Variants in RNASEL observed in about 807,000 individuals in gnomAD.
RNASEL encodes the protein 2-5A-dependent ribonuclease.
A neutral mutation model predicts 50.9 loss-of-function variants in RNASEL; 36 were observed. The ratio of observed to expected loss-of-function variants is 0.71; its 90% CI spans 0.54 to 0.93. RNASEL has a LOEUF of 0.93. RNASEL is among the 40% of genes least tolerant of loss of function. The pLI is 0.00. For synonymous variants in RNASEL, 335 were observed against 335.6 expected (o/e 1.00, Z 0.02); for missense variants, 860 against 894.5 (o/e 0.96, Z 0.49).
chr1:182,581,078 G>A, intron 5 of RNASEL, 147 bp downstream of exon 5: 3 of 1,157,514 alleles, frequency 2.6e-6, no homozygotes, highest in East Asian at 2.4e-5. Flanking sequence ...GAGCCTAGGG[G>A]GATAGGGATG....
rs771897556 is a variant in RNASEL, at chr1:182,585,877, C to T, written c.930G>A (p.Arg310=). The T allele has an allele frequency of 3.1e-6, 5 of 1,612,422 alleles. No homozygotes were observed. The East Asian group carries it at 1.1e-4, about 36-fold the overall frequency. ...CCTTCACAAGGGAATGGTCATAATTCCGCCTCGCTGTCATAACAAGATCCC... is the reference window on the plus strand; with the variant it reads ...CCTTCACAAGGGAATGGTCATAATTTCGCCTCGCTGTCATAACAAGATCCC... ...DCGDLVMTAR[R]NYDHSLVKVL... Residue 310 remains arginine, a synonymous_variant, in exon 2 of 7, where the codon CGG becomes CGA. Transcript: ENST00000367559.
intron 3 of RNASEL, 108 bp downstream of exon 3, chr1:182,583,973 C>T: frequency 1.2e-6 from 1 of 824,150 alleles, no homozygotes; most frequent in Non-Finnish European, 2.1e-6. Context: ...AACTCCCTTT[C>T]ATATATACAT....
At chr1:182,582,473 A>G (rs1305138082) in intron 3 of RNASEL, among the ~76,000 whole-genome samples, 1 of 152,214 alleles carries the variant, frequency 6.6e-6, no homozygotes, top group Non-Finnish European at 1.5e-5. Flanking sequence ...TAAAAGATAC[A>G]TATAAGTCAC....
At position 182,582,058 on chromosome 1, in the gene RNASEL, C is replaced by T. The variant is rs1661506297; in HGVS notation, c.1767G>A (p.Trp589Ter). 1 of 1,614,118 alleles carries T rather than the reference C, an allele frequency of 6.2e-7. No individual in the cohort carries two copies. Among genetic ancestry groups the T allele is most frequent in the East Asian group, 2.2e-5 (1 of 44,882 alleles). ...DLLGHPFFWT[W>*]ESRYRTLRNV... Reference sequence around the variant, plus strand: ...CTGCACAAAGTTTTACTTACCTCTCCCAAGTCCAAAAGAAGGGATGACCCA... The same window carrying T: ...CTGCACAAAGTTTTACTTACCTCTCTCAAGTCCAAAAGAAGGGATGACCCA... The change falls in exon 4 of 7, where the codon TGG (tryptophan) becomes TGA (stop). Residue 589 changes from tryptophan (W) to a stop codon, truncating the protein, a stop_gained. Coordinates refer to ENST00000367559, the MANE Select transcript of RNASEL (RefSeq NM_021133.4). LOFTEE classifies it high-confidence loss of function.
Position 182,582,096 on chromosome 1 carries a change from G to A in RNASEL, c.1729C>T (p.Leu577=), listed in dbSNP as rs1337912131. The A allele has an allele frequency of 6.2e-7, 1 of 1,614,114 alleles. No homozygotes were observed. Among genetic ancestry groups the A allele is most frequent in the Non-Finnish European group, 8.5e-7 (1 of 1,180,044 alleles). ...FHPGEHVRDC[L]SDLLGHPFFW... is the part of the protein sequence containing the mutation. ...AAGGGATGACCCAGCAGGTCACTCA[G>A]ACAGTCCCTCACATGTTCCCCAGGA... is the stretch of plus-strand genomic sequence containing the variant. Residue 577 remains leucine, a synonymous_variant, in exon 4 of 7, where the codon CTG becomes TTG. Coordinates refer to ENST00000367559, the MANE Select transcript of RNASEL (RefSeq NM_021133.4).
At chr1:182,583,023 T>C (rs2102368008) in intron 3 of RNASEL, among the ~76,000 whole-genome samples, 1 of 152,298 alleles carries the variant, frequency 6.6e-6, no homozygotes, top group East Asian at 1.9e-4. Context: ...TTGACCTCAC[T>C]CCTCCCAGGA....
Position 182,585,911 on chromosome 1 carries a change from G to T in RNASEL, c.896C>A (p.Thr299Lys), listed in dbSNP as rs754488965. The stretch of plus-strand genomic sequence containing the variant: ...TGTCATAACAAGATCCCCACAATCT[G>T]TACTGGCTCCACGTTTGCACAGCAA... ...AELLCKRGASTDCGDLVMTAR... is the reference protein window; with the variant it reads ...AELLCKRGASKDCGDLVMTAR... Residue 299 changes from threonine (T) to lysine (K), a missense_variant, in exon 2 of 7, where the codon ACA becomes AAA. Thr to Lys is a moderately conservative substitution (Grantham distance 78). Coordinates refer to ENST00000367559, the MANE Select transcript of RNASEL (RefSeq NM_021133.4). 1.2e-6 allele frequency: 2 copies of T among 1,613,892 alleles called. No homozygotes were observed. Among genetic ancestry groups the T allele is most frequent in the Non-Finnish European group, 1.7e-6 (2 of 1,179,912 alleles).
chr1:182,585,996 T>A lies in RNASEL; in HGVS notation c.811A>T (p.Ser271Cys). The A allele has an allele frequency of 1.2e-6, 2 of 1,614,136 alleles. No individual in the cohort carries two copies. Among genetic ancestry groups the A allele is most frequent in the South Asian group, 1.1e-5 (1 of 91,084 alleles). ...QEHIEINDTD[S>C]DGKTALLLAV... ...AGCAGCAGTGCTGTTTTGCCATCACTGTCTGTGTCATTAATCTCTATGTGC... is the reference window on the plus strand; with the variant it reads ...AGCAGCAGTGCTGTTTTGCCATCACAGTCTGTGTCATTAATCTCTATGTGC... Residue 271 changes from serine to cysteine, a missense_variant, in exon 2 of 7, where the codon AGT becomes TGT. Ser to Cys is a moderately radical substitution (Grantham distance 112). Coordinates refer to ENST00000367559, the MANE Select transcript of RNASEL (RefSeq NM_021133.4).
At chr1:182,582,385 G>T in intron 3 of RNASEL, 127 bp from the exon 4 acceptor site, 1 of 1,088,506 alleles carries the variant, frequency 9.2e-7, no homozygotes, top group Non-Finnish European at 1.4e-6. Flanking sequence ...AGGCTTGTTA[G>T]GGAGGGAAGG....
In RNASEL at chr1:182,586,702, G is replaced by C. The variant is rs780021840; in HGVS notation, c.105C>G (p.Asn35Lys). Residue 35 changes from asparagine (N) to lysine (K), a missense_variant, in exon 2 of 7, where the codon AAC (asparagine) becomes AAG (lysine). By Grantham distance (94) the Asn-to-Lys change is moderately conservative. Transcript: ENST00000367559. Reference sequence around the variant, plus strand: ...ATTGCTGGACCAGGTCAACATCTTCGTTTTGAACAGCTTTAATCAGCAAGT... The same window carrying C: ...ATTGCTGGACCAGGTCAACATCTTCCTTTTGAACAGCTTTAATCAGCAAGT... ...DNHLLIKAVQ[N>K]EDVDLVQQLL... 8.7e-6 allele frequency: 14 copies of C among 1,614,088 alleles called. No individual in the cohort carries two copies. The African/African-American group carries it at 1.5e-4, about 17-fold the overall frequency.
At chr1:182,579,444 T>G in intron 5 of RNASEL, 1 of 1,002,124 alleles carries the variant, frequency 1.0e-6, no homozygotes, top group Non-Finnish European at 1.2e-6. Context: ...GAAAGAGCAA[T>G]GCTAGTGAGG....
intron 1 of RNASEL, among the ~76,000 whole-genome samples, chr1:182,587,915 A>G (rs1441953652): frequency 6.6e-6 from 1 of 152,250 alleles, no homozygotes; most frequent in Non-Finnish European, 1.5e-5. Context: ...CCACACTTCA[A>G]GTACACATAC....
At chr1:182,587,665 A>G (rs1661627156) in intron 1 of RNASEL, among the ~76,000 whole-genome samples, 1 of 151,600 alleles carries the variant, frequency 6.6e-6, no homozygotes, top group East Asian at 1.9e-4. Flanking sequence ...TTATTTATCA[A>G]TAAAAAAAGA....
At chr1:182,580,340 G>C (rs1319085848) in intron 5 of RNASEL, among the ~76,000 whole-genome samples, 1 of 152,198 alleles carries the variant, frequency 6.6e-6, no homozygotes, top group Non-Finnish European at 1.5e-5. Context: ...AGTGTGATGT[G>C]CAGTCTAGAG....
At position 182,586,447 on chromosome 1, in the gene RNASEL, C is replaced by T. The variant is rs528025586; in HGVS notation, c.360G>A (p.Glu120=). Residue 120 remains glutamate, a synonymous_variant, in exon 2 of 7, where the codon GAG becomes GAA. Coordinates refer to ENST00000367559, the MANE Select transcript of RNASEL (RefSeq NM_021133.4). ...LFLSKGADVN[E]CDFYGFTAFM... is the part of the protein sequence containing the mutation. Reference sequence around the variant, plus strand: ...AGGCTGTGAAGCCATAAAAATCACACTCATTGACATCTGCTCCTTTAGAAA... The same window carrying T: ...AGGCTGTGAAGCCATAAAAATCACATTCATTGACATCTGCTCCTTTAGAAA... 1.2e-6 allele frequency: 2 copies of T among 1,614,224 alleles called. No homozygotes were observed. Among genetic ancestry groups the T allele is most frequent in the South Asian group, 2.2e-5 (2 of 91,092 alleles).
At chr1:182,576,143 T>C (rs1661373901) in intron 6 of RNASEL, 113 bp downstream of exon 6, 1 of 1,107,544 alleles carries the variant, frequency 9.0e-7, no homozygotes, top group Non-Finnish European at 1.3e-6. Flanking sequence ...GGAATTACTT[T>C]TCTTTCATCA....
intron 5 of RNASEL, chr1:182,579,542 A>C (rs1033138351): frequency 3.0e-5 from 33 of 1,118,492 alleles, no homozygotes; most frequent in East Asian, 1.7e-4. Context: ...GGGCAAGTCA[A>C]GAACCAATAC....
At chr1:182,587,663 C>T (rs1420005685) in intron 1 of RNASEL, among the ~76,000 whole-genome samples, 1 of 147,424 alleles carries the variant, frequency 6.8e-6, no homozygotes, top group Admixed American at 6.7e-5. Context: ...AATTATTTAT[C>T]AATAAAAAAA....
intron 1 of RNASEL, among the ~76,000 whole-genome samples, chr1:182,588,679 C>A (rs1000943502): frequency 1.5e-4 from 23 of 152,288 alleles, no homozygotes; most frequent in African/African-American, 5.1e-4. Flanking sequence ...AATTGATTAG[C>A]CTCTTAGAAG....
Sources: gnomAD v4.1 joint callset for allele counts (sites outside exome capture counted in the v4.1 genomes callset) on GRCh38, gnomAD v4.1.1 for gene constraint, MANE v1.5 for transcripts, NCBI Gene and HGNC (gene_info 2026-07-23, HGNC 2026-07-21) for gene names.